Variants in TEX9 observed in about 807,000 individuals in gnomAD.
TEX9 encodes the protein testis-expressed protein 9.
In TEX9, 74 loss-of-function variants were observed where a neutral mutation model predicts 59.6. The observed-to-expected ratio is 1.24, with a 90% confidence interval of 1.03 to 1.51. The LOEUF is 1.51. Ranked by LOEUF, TEX9 falls within the 40% of genes most tolerant of loss-of-function variation. The pLI is 0.00. For missense variants in TEX9, 522 were observed against 447.8 expected, an observed-to-expected ratio of 1.17 and a Z score of -1.49; for synonymous variants, 186 against 152.2, an observed-to-expected ratio of 1.22 and a Z score of -1.64.
chr15:56,270,837 T>TA (rs2044511110), intron 1 of TEX9, among the ~76,000 whole-genome samples: 1 of 152,208 alleles, frequency 6.6e-6, no homozygotes. Context: ...CTGGTGGTGA[T>TA]AAAATCTCTC....
At chr15:56,428,239 G>C (rs2050414334) in intron 11 of TEX9, 128 bp from the exon 12 acceptor site, 4 of 633,634 alleles carry the variant, frequency 6.3e-6, no homozygotes, top group South Asian at 2.1e-5. Flanking sequence ...TTGGAATTAA[G>C]AGTATACATT....
intron 10 of TEX9, among the ~76,000 whole-genome samples, chr15:56,417,005 T>C (rs2049723274): frequency 6.6e-6 from 1 of 151,858 alleles, no homozygotes; most frequent in African/African-American, 2.4e-5. Flanking sequence ...GAGGTGTTCA[T>C]AGTAGTTTCT....
In TEX9 at chr15:56,297,357, A is replaced by G. The variant is rs191155884; in HGVS notation, c.-107+53079A>G. Among the ~76,000 whole-genome samples, 472 of 152,350 alleles carry G rather than the reference A, an allele frequency of 3.1e-3. 4 individuals carry two copies. Among genetic ancestry groups the G allele is most frequent in the African/African-American group, 8.4e-3 (351 of 41,574 alleles). ...CAAATGCTCTTTTGTGTCATTTTGA[A>G]TAAGTTTTTACCATAAGCATCTTTT... On this transcript the variant is annotated intron_variant, in intron 1 of 5. Transcript: ENST00000560827.
intron 2 of TEX9, among the ~76,000 whole-genome samples, chr15:56,371,021 T>A (rs2142006294): frequency 6.6e-6 from 1 of 152,256 alleles, no homozygotes; most frequent in African/African-American, 2.4e-5. Flanking sequence ...CACACCTGGC[T>A]AATTTTTGTA....
chr15:56,304,234 A>T (rs1239381010), intron 1 of TEX9, among the ~76,000 whole-genome samples: 1 of 152,108 alleles, frequency 6.6e-6, no homozygotes, highest in Non-Finnish European at 1.5e-5. Context: ...GACGCCCTTT[A>T]TTTCTTTCTT....
chr15:56,423,336 T>C (rs1199088201), intron 10 of TEX9, among the ~76,000 whole-genome samples: 2 of 152,164 alleles, frequency 1.3e-5, no homozygotes, highest in Admixed American at 1.3e-4. Flanking sequence ...CTTTGACCCC[T>C]TGGTAGTTTG....
intron 1 of TEX9, among the ~76,000 whole-genome samples, chr15:56,294,959 G>T (rs1475377474): frequency 2.0e-5 from 3 of 152,108 alleles, no homozygotes; most frequent in African/African-American, 7.2e-5. Flanking sequence ...AAAAGGACCA[G>T]TTAACATGAG....
At chr15:56,338,742 G>A (rs1286426162) in intron 1 of TEX9, among the ~76,000 whole-genome samples, 4 of 151,134 alleles carry the variant, frequency 2.6e-5, no homozygotes, top group Non-Finnish European at 4.4e-5. Flanking sequence ...CATGGTGAAA[G>A]CCCATCTCTA....
chr15:56,339,474 T>A (rs1455520367), intron 1 of TEX9, among the ~76,000 whole-genome samples: 12 of 149,028 alleles, frequency 8.1e-5, no homozygotes, highest in African/African-American at 2.5e-4. Flanking sequence ...CCATCCCATG[T>A]AAGGCCAACT....
At chr15:56,340,040 G>A (rs1313548273) in intron 1 of TEX9, among the ~76,000 whole-genome samples, 1 of 152,090 alleles carries the variant, frequency 6.6e-6, no homozygotes, top group Non-Finnish European at 1.5e-5. Flanking sequence ...ATGACTTGGG[G>A]ATATGATGGG....
intron 1 of TEX9, among the ~76,000 whole-genome samples, chr15:56,334,402 G>C (rs2682024): frequency 0.57 from 86,443 of 151,976 alleles, 24,838 homozygotes; most frequent in Non-Finnish European, 0.6. Flanking sequence ...AGAACATACA[G>C]TAAGGAGAGA....
At chr15:56,370,711 A>G (rs1327419250) in intron 2 of TEX9, among the ~76,000 whole-genome samples, 1 of 152,156 alleles carries the variant, frequency 6.6e-6, no homozygotes, top group Admixed American at 6.5e-5. Context: ...TAGTTTAGGG[A>G]GTACTCTCTT....
intron 1 of TEX9, among the ~76,000 whole-genome samples, chr15:56,278,186 A>T (rs1567071277): frequency 6.6e-6 from 1 of 152,184 alleles, no homozygotes; most frequent in South Asian, 2.1e-4. Flanking sequence ...TAATATCTAT[A>T]GCATTTGTGG....
At chr15:56,340,010 T>G (rs763264566) in intron 1 of TEX9, among the ~76,000 whole-genome samples, 11 of 152,142 alleles carry the variant, frequency 7.2e-5, no homozygotes, top group Non-Finnish European at 1.5e-4. Context: ...CACCTTGTAT[T>G]TTAGAGGCCA....
intron 1 of TEX9, among the ~76,000 whole-genome samples, chr15:56,288,522 T>C (rs753435105): frequency 9.9e-5 from 15 of 152,258 alleles, no homozygotes; most frequent in South Asian, 8.3e-4. Context: ...GGATTTTTGG[T>C]TGGGAGTTTT....
chr15:56,325,574 C>T (rs974878034), intron 1 of TEX9, among the ~76,000 whole-genome samples: 2 of 152,038 alleles, frequency 1.3e-5, no homozygotes, highest in Non-Finnish European at 2.9e-5. Context: ...TTGGGGGATC[C>T]AACAGTATTA....
intron 3 of TEX9, among the ~76,000 whole-genome samples, chr15:56,375,697 G>T (rs1293971462): frequency 6.6e-6 from 1 of 152,072 alleles, no homozygotes; most frequent in Non-Finnish European, 1.5e-5. Context: ...TTTGTATAAG[G>T]TGTAAGGAAG....
intron 1 of TEX9, among the ~76,000 whole-genome samples, chr15:56,335,513 G>C (rs2046240911): frequency 6.6e-6 from 1 of 152,074 alleles, no homozygotes; most frequent in Non-Finnish European, 1.5e-5. Flanking sequence ...GAAGGGTATG[G>C]GGATGGGGGA....
At chr15:56,392,464 T>C (rs2048261942) in intron 7 of TEX9, among the ~76,000 whole-genome samples, 1 of 151,968 alleles carries the variant, frequency 6.6e-6, no homozygotes, top group Admixed American at 6.6e-5. Context: ...AAAGGGATGA[T>C]ACTAAACCAT....
Sources: gnomAD v4.1 joint callset for allele counts (sites outside exome capture counted in the v4.1 genomes callset) on GRCh38, gnomAD v4.1.1 for gene constraint, MANE v1.5 for transcripts, NCBI Gene and HGNC (gene_info 2026-07-23, HGNC 2026-07-21) for gene names.